BLACAT1: variants seen among roughly 807,000 people sequenced by gnomAD.
The protein encoded by BLACAT1 is BLACAT1 overlapping LEMD1 locus, also known as bladder cancer associated transcript 1.
intron 1 of BLACAT1, among the ~76,000 whole-genome samples, chr1:205,453,481 A>C (rs563923459): frequency 3.5e-4 from 53 of 152,292 alleles, no homozygotes; most frequent in African/African-American, 1.3e-3. Flanking sequence ...GCAGGAAAGC[A>C]CAATTTTTCC....
At chr1:205,445,629 A>T (rs1201884409) in intron 1 of BLACAT1, among the ~76,000 whole-genome samples, 1 of 152,204 alleles carries the variant, frequency 6.6e-6, no homozygotes, top group Non-Finnish European at 1.5e-5. Flanking sequence ...AAGCATTCTC[A>T]GTGGTTCTGA....
intron 1 of BLACAT1, chr1:205,449,805 A>G (rs1666463793): frequency 6.6e-6 from 1 of 152,434 alleles, no homozygotes; most frequent in Admixed American, 6.5e-5. Flanking sequence ...TCTAGGCAGA[A>G]TGCCCTCAGC....
intron 1 of BLACAT1, among the ~76,000 whole-genome samples, chr1:205,443,894 GGAGT>G (rs1666338745): frequency 6.6e-6 from 1 of 152,124 alleles, no homozygotes; most frequent in Non-Finnish European, 1.5e-5. Context: ...AGGTACCTGG[GGAGT>G]CCCTCTGCCA....
At chr1:205,442,869 C>T (rs1263370294) in intron 1 of BLACAT1, among the ~76,000 whole-genome samples, 3 of 152,214 alleles carry the variant, frequency 2.0e-5, no homozygotes, top group African/African-American at 4.8e-5. Flanking sequence ...CAATCTGGGA[C>T]TTAGGTGGCC....
chr1:205,438,082 TA>T (rs1160321081), downstream of BLACAT1, among the ~76,000 whole-genome samples: 1 of 152,228 alleles, frequency 6.6e-6, no homozygotes, highest in South Asian at 2.1e-4. Flanking sequence ...GCCAGGGTCC[TA>T]GGCAACACTC....
rs954288710 is a variant in BLACAT1 at position 205,441,996 on chromosome 1, C to G, written c.-36-934G>C. 6.6e-4 allele frequency among the ~76,000 whole-genome samples: 101 copies of G among 152,320 alleles called. No individual in the cohort carries two copies. The highest frequency in any genetic ancestry group is 2.4e-3 in the African/African-American group (99 of 41,566). ...GCAAGAGTATCCCTTTCTCCAAAGG[C>G]TCATTTAGGTTTCCCTAGCCTTAAC... On this transcript the variant is annotated intron_variant, in intron 1 of 1. Coordinates refer to ENST00000629624, the Ensembl canonical transcript of BLACAT1. This position sits in a 1 kb window ranked among gnomAD's most constrained non-coding sequence, Gnocchi z 4.3.
At chr1:205,453,133 C>T (rs1666518037) in intron 1 of BLACAT1, among the ~76,000 whole-genome samples, 1 of 152,158 alleles carries the variant, frequency 6.6e-6, no homozygotes. Flanking sequence ...GGATCTGATT[C>T]TGCTATCTGC....
chr1:205,443,218 C>A (rs1374637468), intron 1 of BLACAT1, among the ~76,000 whole-genome samples: 1 of 152,184 alleles, frequency 6.6e-6, no homozygotes, highest in Non-Finnish European at 1.5e-5. Flanking sequence ...GAACTCCCAA[C>A]TAAAACAAGC....
exon 2 of BLACAT1, among the ~76,000 whole-genome samples, chr1:205,440,012 C>T (rs1666266861): frequency 6.6e-6 from 1 of 152,092 alleles, no homozygotes; most frequent in Non-Finnish European, 1.5e-5. Context: ...GGTCCCCCCA[C>T]CCTAAGAGTT....
At chr1:205,439,669 C>T (rs570029673), downstream of BLACAT1, among the ~76,000 whole-genome samples, 3 of 152,296 alleles carry the variant, frequency 2.0e-5, no homozygotes, top group African/African-American at 7.2e-5. Flanking sequence ...TATTCTGTCC[C>T]TGGGGAGCTA....
chr1:205,438,567 T>C (rs1235123046), downstream of BLACAT1, among the ~76,000 whole-genome samples: 1 of 152,220 alleles, frequency 6.6e-6, no homozygotes, highest in Non-Finnish European at 1.5e-5. Flanking sequence ...GTCCCCATTT[T>C]CCTGAGAAGG....
chr1:205,443,175 A>C (rs1393817055), intron 1 of BLACAT1, among the ~76,000 whole-genome samples: 1 of 152,114 alleles, frequency 6.6e-6, no homozygotes, highest in African/African-American at 2.4e-5. Context: ...CATGGGGAGA[A>C]ATTGACAGGC....
At position 205,441,571 on chromosome 1, in the gene BLACAT1, G is replaced by C. The variant is rs1666294691; in HGVS notation, c.-36-509C>G. Among the ~76,000 whole-genome samples, 1 of 152,148 alleles carries C rather than the reference G, an allele frequency of 6.6e-6. No homozygotes were observed. Among genetic ancestry groups the C allele is most frequent in the African/African-American group, 2.4e-5 (1 of 41,434 alleles). ...GCTTTACTTTGACACCTGGGACCGA[G>C]TCAGATTCCTCCCTTCCTTAACAAC... On this transcript the variant is annotated intron_variant, in intron 1 of 1. Transcript: ENST00000629624. This position sits in a 1 kb window ranked among gnomAD's most constrained non-coding sequence, Gnocchi z 4.3.
At chr1:205,444,694 T>G (rs1215901719) in intron 1 of BLACAT1, among the ~76,000 whole-genome samples, 9 of 152,110 alleles carry the variant, frequency 5.9e-5, no homozygotes, top group Admixed American at 5.9e-4. Context: ...GTGTCTCGAA[T>G]TTTGGCAATG....
intron 1 of BLACAT1, among the ~76,000 whole-genome samples, chr1:205,455,068 C>G (rs1454579087): frequency 2.0e-5 from 3 of 152,098 alleles, no homozygotes; most frequent in Non-Finnish European, 4.4e-5. Context: ...TCTTGTTCCC[C>G]GGGGGCACCC....
At chr1:205,451,077 A>C (rs1003534601) in intron 1 of BLACAT1, among the ~76,000 whole-genome samples, 2 of 152,156 alleles carry the variant, frequency 1.3e-5, no homozygotes, top group Admixed American at 1.3e-4. Flanking sequence ...AAGGGGCCCA[A>C]GGGATATCCA....
chr1:205,444,722 C>T (rs181998775), intron 1 of BLACAT1, among the ~76,000 whole-genome samples: 80 of 152,206 alleles, frequency 5.3e-4, no homozygotes, highest in African/African-American at 1.5e-3. Context: ...TCAGAGTGGG[C>T]GGCAGCGGGG....
At chr1:205,438,477 C>T (rs970006138), downstream of BLACAT1, among the ~76,000 whole-genome samples, 5 of 152,224 alleles carry the variant, frequency 3.3e-5, no homozygotes, top group East Asian at 3.8e-4. Flanking sequence ...TTGGCCTTTC[C>T]CTATTCCCTG....
At chr1:205,435,893 G>A (rs1161702645), downstream of BLACAT1, 1 of 152,228 alleles carries the variant, frequency 6.6e-6, no homozygotes, top group Non-Finnish European at 1.5e-5. Flanking sequence ...GGTGACCTTA[G>A]GGGTTCCCCT....
Sources: allele counts gnomAD v4.1 joint callset (sites outside exome capture counted in the v4.1 genomes callset), GRCh38; gene constraint gnomAD v4.1.1; non-coding constraint Gnocchi (gnomAD v3.1); transcripts MANE v1.5; gene names NCBI Gene and HGNC (gene_info 2026-07-23, HGNC 2026-07-21).